Variants in ZNF461 observed in about 807,000 individuals in gnomAD.
ZNF461 encodes the protein gonadotropin-inducible ovarian transcription factor-1.
ZNF461 carries 16 observed loss-of-function variants against 18.3 expected under a neutral mutation model. The observed-to-expected ratio is 0.88, with a 90% CI of 0.59 to 1.33. The LOEUF is 1.33. Ranked by LOEUF, ZNF461 falls within the 40% of genes most tolerant of loss-of-function variation. The pLI, the probability that ZNF461 is intolerant of heterozygous loss-of-function variation, is 0.00. For synonymous variants in ZNF461, 179 were observed against 216.9 expected, an observed-to-expected ratio of 0.83 and a Z score of 1.54; for missense variants, 595 against 669.9, an observed-to-expected ratio of 0.89 and a Z score of 1.23.
intron 2 of ZNF461, among the ~76,000 whole-genome samples, chr19:36,661,883 A>T (rs1168143704): frequency 1.3e-5 from 2 of 151,948 alleles, no homozygotes; most frequent in Admixed American, 1.3e-4. Context: ...TTATTTATTT[A>T]TTTTTTTGAG....
chr19:36,654,572 A>T (rs933274668), intron 4 of ZNF461, among the ~76,000 whole-genome samples: 5 of 151,836 alleles, frequency 3.3e-5, no homozygotes, highest in African/African-American at 1.2e-4. Context: ...GGGTCTCACT[A>T]TATTGCCCAG....
chr19:36,664,460 TG>T (rs1349350476), intron 2 of ZNF461, among the ~76,000 whole-genome samples: 1 of 152,030 alleles, frequency 6.6e-6, no homozygotes, highest in Non-Finnish European at 1.5e-5. Flanking sequence ...TGGTGGCACG[TG>T]CCTGTTGTCC....
chr19:36,652,083 CTT>C lies in ZNF461; in HGVS notation c.232+4363_232+4364del, dbSNP rs541244277. Among the ~76,000 whole-genome samples the C allele has an allele frequency of 5.3e-5, 8 of 152,214 alleles. No homozygotes were observed. The South Asian group carries it at 1.7e-3, about 32-fold the overall frequency. On this transcript the variant is annotated intron_variant, in intron 4 of 5. Coordinates refer to ENST00000588268, the MANE Select transcript of ZNF461 (RefSeq NM_153257.5). ...AAGCTATTCACTTGAGAAGGGATAA[CTT>C]TTAAATAAATGCTATGGGCATCCAT...
intron 5 of ZNF461, among the ~76,000 whole-genome samples, chr19:36,643,058 C>T (rs1018524965): frequency 8.5e-5 from 13 of 152,074 alleles, no homozygotes; most frequent in Non-Finnish European, 1.5e-4. Context: ...TGTGAGCCAC[C>T]GCACTCGGCC....
rs1490577130 is a variant in ZNF461 at position 36,638,035 on chromosome 19, CAAA to C, written c.*615_*617del. 4.7e-6 allele frequency: 1 copy of C among 214,544 alleles called. No individual in the cohort carries two copies. The highest frequency in any genetic ancestry group is 9.5e-6 in the Non-Finnish European group (1 of 105,170). 13.3% of individuals were successfully genotyped at this position (214,544 alleles called of 1,614,324 possible). The stretch of plus-strand genomic sequence containing the variant: ...CTGTTGGGAATCTGCACAATAGAAA[CAAA>C]AGAAGGTAAAATTAGAGTTCTAGGT... On this transcript the variant is annotated 3_prime_UTR_variant, in exon 6 of 6. Transcript: ENST00000588268.
Position 36,637,707 on chromosome 19 carries a change from C to A in ZNF461, c.*946G>T. On this transcript the variant is annotated 3_prime_UTR_variant, in exon 6 of 6. Coordinates refer to ENST00000588268, the MANE Select transcript of ZNF461 (RefSeq NM_153257.5). Reference sequence around the variant, plus strand: ...CAAAAAAAAAAAAAATGAAGTAGGCCAAATGTGGACTAATAATGAGAATGT... The same window carrying A: ...CAAAAAAAAAAAAAATGAAGTAGGCAAAATGTGGACTAATAATGAGAATGT... The A allele has an allele frequency of 3.5e-6, 1 of 282,334 alleles. No individual in the cohort carries two copies. Among genetic ancestry groups the A allele is most frequent in the South Asian group, 3.0e-5 (1 of 33,376 alleles). 17.5% of individuals were successfully genotyped at this position (282,334 alleles called of 1,614,324 possible). A position where few individuals can be genotyped will look rare whatever the true frequency, so the allele number is the denominator to read the frequency against.
chr19:36,666,143 G>A lies in ZNF461; in HGVS notation c.-81+547C>T, dbSNP rs947082119. ...TCGTTTCACTCTTGTTGCCCAGGTT[G>A]GAGTGCAATGGCGCGATCTCGGCTC... On this transcript the variant is annotated intron_variant, in intron 1 of 5. Coordinates refer to ENST00000588268, the MANE Select transcript of ZNF461 (RefSeq NM_153257.5). 2.7e-5 allele frequency among the ~76,000 whole-genome samples: 4 copies of A among 149,740 alleles called. No individual in the cohort carries two copies. The East Asian group carries it at 6.0e-4, about 22-fold the overall frequency.
chr19:36,663,411 C>G (rs2037849555), intron 2 of ZNF461, among the ~76,000 whole-genome samples: 1 of 151,452 alleles, frequency 6.6e-6, no homozygotes, highest in Non-Finnish European at 1.5e-5. Flanking sequence ...CTGGGTTTTT[C>G]TTTGTAATTC....
At chr19:36,640,281 G>C (rs1205130364) in intron 5 of ZNF461, among the ~76,000 whole-genome samples, 1 of 152,134 alleles carries the variant, frequency 6.6e-6, no homozygotes, top group African/African-American at 2.4e-5. Context: ...TTGAGAGTTT[G>C]TTGCAATTAT....
intron 2 of ZNF461, among the ~76,000 whole-genome samples, chr19:36,660,148 C>G (rs1005193474): frequency 8.4e-6 from 1 of 118,544 alleles, no homozygotes; most frequent in Non-Finnish European, 1.7e-5. Flanking sequence ...TCTCTAAAAT[C>G]TTTTTTTTTT....
intron 4 of ZNF461, among the ~76,000 whole-genome samples, chr19:36,656,155 G>A (rs1028051670): frequency 4.0e-5 from 6 of 151,816 alleles, no homozygotes; most frequent in South Asian, 2.1e-4. Flanking sequence ...CCACCACTGC[G>A]CCCGGCTAAT....
At position 36,656,533 on chromosome 19, in the gene ZNF461, A is replaced by G; in HGVS notation, c.147T>C (p.Val49=). 6.2e-7 allele frequency: 1 copy of G among 1,613,924 alleles called. No individual in the cohort carries two copies. Among genetic ancestry groups the G allele is most frequent in the Non-Finnish European group, 8.5e-7 (1 of 1,179,830 alleles). ...YSNLVSLGLS[V]SKPAVISSLE... is the part of the protein sequence containing the mutation. ...ATGAGGAGATTACGGCTGGCTTAGAAACAGAAAGTCCTAGTTATAAGAAAA... is the reference window on the plus strand; with the variant it reads ...ATGAGGAGATTACGGCTGGCTTAGAGACAGAAAGTCCTAGTTATAAGAAAA... The change falls in exon 4 of 6, where the codon GTT becomes GTC. Residue 49 remains valine (V), a synonymous_variant. Coordinates refer to ENST00000588268, the MANE Select transcript of ZNF461 (RefSeq NM_153257.5).
rs2145360438 is a variant in ZNF461 at position 36,639,529 on chromosome 19, G to A, written c.816C>T (p.Arg272=). Residue 272 remains arginine (R), a synonymous_variant, in exon 6 of 6, where the codon CGC becomes CGT. Coordinates refer to ENST00000588268, the MANE Select transcript of ZNF461 (RefSeq NM_153257.5). ...CCTTCCCACATTCGTTACATTCATA[G>A]CGTTTTTCACCATTATGAATTCTTA... The part of the protein sequence containing the change: ...KHLRIHNGEK[R]YECNECGKAF... The A allele has an allele frequency of 6.2e-7, 1 of 1,613,730 alleles. No individual in the cohort carries two copies. The highest frequency in any genetic ancestry group is 1.1e-5 in the South Asian group (1 of 91,068).
At chr19:36,644,536 T>C (rs939223356) in intron 4 of ZNF461, among the ~76,000 whole-genome samples, 18 of 152,010 alleles carry the variant, frequency 1.2e-4, no homozygotes, top group African/African-American at 4.1e-4. Context: ...CCCAAAGTGC[T>C]GGGATTACAG....
At chr19:36,654,392 G>C (rs1034619308) in intron 4 of ZNF461, among the ~76,000 whole-genome samples, 1 of 151,548 alleles carries the variant, frequency 6.6e-6, no homozygotes, top group Non-Finnish European at 1.5e-5. Flanking sequence ...ATTGAGACAG[G>C]GTCTTGCTCT....
intron 4 of ZNF461, among the ~76,000 whole-genome samples, chr19:36,646,572 C>T (rs992792925): frequency 3.9e-5 from 6 of 152,150 alleles, no homozygotes; most frequent in Non-Finnish European, 8.8e-5. Context: ...GTGTCAAAGT[C>T]TGGAAGATCT....
At chr19:36,652,593 T>G (rs2037648443) in intron 4 of ZNF461, among the ~76,000 whole-genome samples, 1 of 151,308 alleles carries the variant, frequency 6.6e-6, no homozygotes, top group African/African-American at 2.4e-5. Context: ...TTCTTAGACG[T>G]GACACTAAAT....
chr19:36,638,988 A>G lies in ZNF461; in HGVS notation c.1357T>C (p.Cys453Arg), dbSNP rs1489273122. The change falls in exon 6 of 6, where the codon TGT (cysteine) becomes CGT (arginine). Residue 453 changes from cysteine to arginine, a missense_variant. Coordinates refer to ENST00000588268, the MANE Select transcript of ZNF461 (RefSeq NM_153257.5). Reference protein sequence around the residue: ...CKECGKTFRQCSHLKRHQRIH... With the variant: ...CKECGKTFRQRSHLKRHQRIH... Reference sequence around the variant, plus strand: ...CTCTGATGTCTTTTGAGGTGTGAACACTGTCTAAAAGTCTTCCCACATTCC... The same window carrying G: ...CTCTGATGTCTTTTGAGGTGTGAACGCTGTCTAAAAGTCTTCCCACATTCC... 3 of 1,613,450 alleles carry G rather than the reference A, an allele frequency of 1.9e-6. No individual in the cohort carries two copies. In the East Asian group the frequency reaches 6.7e-5, roughly 36 times the overall value.
At chr19:36,643,567 C>T in intron 5 of ZNF461, 1 of 302,876 alleles carries the variant, frequency 3.3e-6, no homozygotes, top group Non-Finnish European at 5.9e-6. Flanking sequence ...AGACATTTGC[C>T]TTTTTTACTT....
Sources: gnomAD v4.1 joint callset for allele counts (sites outside exome capture counted in the v4.1 genomes callset) on GRCh38, gnomAD v4.1.1 for gene constraint, MANE v1.5 for transcripts, NCBI Gene and HGNC (gene_info 2026-07-23, HGNC 2026-07-21) for gene names.